The following CSMD3 variants were observed in gnomAD, a reference collection of about 807,000 sequenced individuals.
CSMD3 encodes the protein CUB and Sushi multiple domains 3.
Under a neutral mutation model 435.2 loss-of-function variants are expected in CSMD3, and 177 were observed. The observed-to-expected ratio is 0.41, with a 90% CI of 0.36 to 0.46. The LOEUF (loss-of-function observed/expected upper bound fraction) is 0.46. Ranked by LOEUF, CSMD3 falls within the 20% of genes least tolerant of loss-of-function variation. The pLI is 0.34. For synonymous variants in CSMD3, 1,656 were observed against 1,520.5 expected, an observed-to-expected ratio of 1.09 and a Z score of -2.07; for missense variants, 4,265 against 4,504.6, an observed-to-expected ratio of 0.95 and a Z score of 1.52.
At chr8:113,266,082 C>T (rs2093468337) in intron 3 of CSMD3, among the ~76,000 whole-genome samples, 1 of 149,984 alleles carries the variant, frequency 6.7e-6, no homozygotes, top group African/African-American at 2.4e-5. Context: ...TTGCCAGAAG[C>T]ATAATTGACT....
At chr8:113,351,753 A>G (rs1167046232) in intron 1 of CSMD3, among the ~76,000 whole-genome samples, 1 of 152,168 alleles carries the variant, frequency 6.6e-6, no homozygotes, top group Non-Finnish European at 1.5e-5. Flanking sequence ...CATCTTCTTT[A>G]TAAAAGTGGT....
At chr8:112,692,434 T>C (rs1481419442) in intron 13 of CSMD3, among the ~76,000 whole-genome samples, 2 of 152,180 alleles carry the variant, frequency 1.3e-5, no homozygotes, top group African/African-American at 4.8e-5. Flanking sequence ...TGTTGTTTCT[T>C]TGGTATTCAG....
intron 5 of CSMD3, among the ~76,000 whole-genome samples, chr8:113,067,247 G>A (rs2088899116): frequency 6.6e-6 from 1 of 152,098 alleles, no homozygotes; most frequent in South Asian, 2.1e-4. Flanking sequence ...TTATAGCAAT[G>A]TGAGAATGGA....
At chr8:112,433,194 T>C (rs565991279) in intron 32 of CSMD3, among the ~76,000 whole-genome samples, 2 of 152,194 alleles carry the variant, frequency 1.3e-5, no homozygotes, top group Admixed American at 6.6e-5. Flanking sequence ...TAGGCTCATA[T>C]TCTGAAAAGA....
chr8:112,513,208 G>T (rs1053232584), intron 28 of CSMD3, among the ~76,000 whole-genome samples: 1 of 152,170 alleles, frequency 6.6e-6, no homozygotes. Context: ...CAGAACATGG[G>T]TAACTATTTG....
intron 67 of CSMD3, among the ~76,000 whole-genome samples, chr8:112,235,654 T>C (rs973684139): frequency 1.3e-5 from 2 of 152,174 alleles, no homozygotes; most frequent in African/African-American, 4.8e-5. Context: ...GTTTAAAACT[T>C]GACTGTATTC....
intron 27 of CSMD3, among the ~76,000 whole-genome samples, chr8:112,550,289 T>G (rs1176357941): frequency 6.6e-6 from 1 of 151,576 alleles, no homozygotes; most frequent in African/African-American, 2.4e-5. Context: ...TGTAGGGTTG[T>G]ATTTTTTGTA....
intron 28 of CSMD3, among the ~76,000 whole-genome samples, chr8:112,511,975 T>C (rs1192232894): frequency 6.6e-6 from 1 of 152,148 alleles, no homozygotes; most frequent in Non-Finnish European, 1.5e-5. Flanking sequence ...AGTTTTATCA[T>C]GAGATTGTAG....
intron 13 of CSMD3, among the ~76,000 whole-genome samples, chr8:112,796,773 A>G (rs1057337221): frequency 6.6e-6 from 1 of 152,004 alleles, no homozygotes; most frequent in African/African-American, 2.4e-5. Context: ...CACATCTTAA[A>G]TAATAGTTTT....
At chr8:113,056,209 AAC>A (rs1485183838) in intron 5 of CSMD3, among the ~76,000 whole-genome samples, 12 of 152,178 alleles carry the variant, frequency 7.9e-5, no homozygotes, top group Non-Finnish European at 1.8e-4. Context: ...GAGCAGAGGA[AAC>A]ACTGTCTACA....
intron 50 of CSMD3, 83 bp from the exon 51 acceptor site, chr8:112,306,275 T>G: frequency 2.0e-6 from 2 of 984,014 alleles, no homozygotes; most frequent in Non-Finnish European, 3.2e-6. Context: ...CTGTAAAACA[T>G]GCAAAACTAA....
chr8:112,954,268 C>T (rs1210355225), intron 8 of CSMD3, among the ~76,000 whole-genome samples: 2 of 151,460 alleles, frequency 1.3e-5, no homozygotes, highest in Admixed American at 6.6e-5. Context: ...ATGAAAATTG[C>T]TATCTTAAAA....
At chr8:112,948,324 T>C (rs2083685950) in intron 8 of CSMD3, among the ~76,000 whole-genome samples, 1 of 151,998 alleles carries the variant, frequency 6.6e-6, no homozygotes, top group Non-Finnish European at 1.5e-5. Flanking sequence ...AGTTCAAAGT[T>C]CTAACACTTC....
intron 6 of CSMD3, among the ~76,000 whole-genome samples, chr8:113,014,909 A>C (rs766120499): frequency 1.3e-5 from 2 of 152,204 alleles, no homozygotes; most frequent in Non-Finnish European, 2.9e-5. Flanking sequence ...TTACAAAACA[A>C]TAATATGTCT....
chr8:112,962,381 A>C (rs1412215519), intron 7 of CSMD3, among the ~76,000 whole-genome samples: 1 of 151,896 alleles, frequency 6.6e-6, no homozygotes, highest in East Asian at 1.9e-4. Flanking sequence ...ACTTATGTAT[A>C]TTATAAGGCC....
intron 2 of CSMD3, among the ~76,000 whole-genome samples, chr8:113,293,031 T>C (rs2132539996): frequency 6.6e-6 from 1 of 152,004 alleles, no homozygotes; most frequent in East Asian, 2.0e-4. Flanking sequence ...ATCTTTGTGA[T>C]GTTCCAATGT....
intron 1 of CSMD3, among the ~76,000 whole-genome samples, chr8:113,397,457 G>A (rs2133184961): frequency 6.6e-6 from 1 of 152,096 alleles, no homozygotes; most frequent in South Asian, 2.1e-4. Context: ...CTTCAATATG[G>A]CTTTTAAAAT....
At chr8:113,227,546 T>C (rs2093041440) in intron 3 of CSMD3, among the ~76,000 whole-genome samples, 1 of 151,672 alleles carries the variant, frequency 6.6e-6, no homozygotes, top group South Asian at 2.1e-4. Flanking sequence ...TCCCCATGTG[T>C]CAGGGGAGGT....
chr8:112,409,637 G>T (rs1483238737), intron 32 of CSMD3, among the ~76,000 whole-genome samples: 1 of 151,874 alleles, frequency 6.6e-6, no homozygotes, highest in Non-Finnish European at 1.5e-5. Flanking sequence ...TGATTCCTCA[G>T]CAATTGAGAT....
Sources: gnomAD v4.1 joint callset for allele counts (sites outside exome capture counted in the v4.1 genomes callset) on GRCh38, gnomAD v4.1.1 for gene constraint, MANE v1.5 for transcripts, NCBI Gene and HGNC (gene_info 2026-07-23, HGNC 2026-07-21) for gene names.